Variants in PCYT1B observed in about 807,000 individuals in gnomAD.
PCYT1B encodes the protein choline-phosphate cytidylyltransferase B.
In PCYT1B, 10 loss-of-function variants were observed where a neutral mutation model predicts 26.4. The observed-to-expected ratio is 0.38, with a 90% CI of 0.23 to 0.64. The LOEUF (loss-of-function observed/expected upper bound fraction) is 0.64. Among genes scored for constraint, PCYT1B ranks in the 30% least tolerant of loss-of-function variants. PCYT1B has a pLI of 0.56. For synonymous variants in PCYT1B, 131 were observed against 108.4 expected (o/e 1.21, Z -1.29); for missense variants, 161 against 292.7 (o/e 0.55, Z 3.28).
intron 2 of PCYT1B, among the ~76,000 whole-genome samples, chrX:24,616,907 G>T (rs1301497059): frequency 6.2e-5 from 7 of 112,123 alleles, no homozygotes; most frequent in Admixed American, 9.5e-5. Context: ...ACAGTGTCAT[G>T]GTTGAGAGGT....
chrX:24,645,103 T>C (rs1926582673), intron 1 of PCYT1B, among the ~76,000 whole-genome samples: 1 of 110,496 alleles, frequency 9.1e-6, no homozygotes, highest in Non-Finnish European at 1.9e-5. Context: ...TTCTTTCCCT[T>C]AATTTTCTCT....
intron 7 of PCYT1B, among the ~76,000 whole-genome samples, chrX:24,564,355 T>C (rs1226897810): frequency 4.9e-5 from 4 of 82,290 alleles, no homozygotes; most frequent in Non-Finnish European, 9.9e-5. Flanking sequence ...TTTTGTTTTG[T>C]TTTTTTGTTT....
In PCYT1B at chrX:24,643,899, A is replaced by C. The variant is rs765088072; in HGVS notation, c.117+3090T>G. On this transcript the variant is annotated intron_variant, in intron 1 of 7. Transcript: ENST00000379144. ...CCTGCAAATATTTCATACACTTTCC[A>C]TAGTTAGTTAAGCAACTCAGTAGCC... Among the ~76,000 whole-genome samples, 4 of 111,956 alleles carry C rather than the reference A, an allele frequency of 3.6e-5. No homozygotes were observed. In the East Asian group the frequency reaches 8.4e-4, roughly 23 times the overall value.
chrX:24,608,567 G>A (rs1925210715), intron 2 of PCYT1B, among the ~76,000 whole-genome samples: 1 of 111,535 alleles, frequency 9.0e-6, no homozygotes, highest in Non-Finnish European at 1.9e-5. Context: ...TGGTGCTCAG[G>A]GCTGAAGATG....
rs1035186052 is a variant in PCYT1B, at chrX:24,559,640, C to G, written c.*2653G>C. The G allele has an allele frequency of 1.8e-5, 2 of 111,494 alleles. No homozygotes were observed. The highest frequency in any genetic ancestry group is 3.8e-5 in the Non-Finnish European group (2 of 53,107). The allele number at this position is 111,494 out of a possible 1,213,427, so 9.2% of individuals were successfully genotyped here. On this transcript the variant is annotated 3_prime_UTR_variant, in exon 8 of 8. Coordinates refer to ENST00000379144, the MANE Select transcript of PCYT1B (RefSeq NM_004845.5). ...CTTTCCTCACTAGGGCAAAAAGAAT[C>G]TCTTTCCTTGCTTTGTGTTATTCCT...
At chrX:24,648,693 C>T (rs1355739980), upstream of PCYT1B, among the ~76,000 whole-genome samples, 2 of 109,402 alleles carry the variant, frequency 1.8e-5, no homozygotes, top group Non-Finnish European at 3.8e-5. Flanking sequence ...GAATTATTGG[C>T]CCCCTGCCAG....
At chrX:24,630,390 A>AGCCTCCCGG (rs1569252441) in intron 1 of PCYT1B, among the ~76,000 whole-genome samples, 4 of 110,378 alleles carry the variant, frequency 3.6e-5, no homozygotes, top group Non-Finnish European at 7.6e-5. Context: ...CCACCCCCTG[A>AGCCTCCCGG]GTTCACGCCA....
chrX:24,608,756 C>G lies in PCYT1B; in HGVS notation c.218-895G>C, dbSNP rs144776350. Among the ~76,000 whole-genome samples the G allele has an allele frequency of 3.0e-3, 335 of 111,642 alleles. 1 individual carries two copies. The highest frequency in any genetic ancestry group is 0.01 in the African/African-American group (309 of 30,762). On this transcript the variant is annotated intron_variant, in intron 2 of 7. Transcript: ENST00000379144. ...ACTATTGCTCAGCCAGGCCAAAGACCCATCCCCTTCAAGTCAGAGAGAGAA... is the reference window on the plus strand; with the variant it reads ...ACTATTGCTCAGCCAGGCCAAAGACGCATCCCCTTCAAGTCAGAGAGAGAA...
chrX:24,655,637 G>T (rs1926887544), intron 1 of PCYT1B, among the ~76,000 whole-genome samples: 1 of 111,052 alleles, frequency 9.0e-6, no homozygotes, highest in Non-Finnish European at 1.9e-5. Flanking sequence ...ACAAAAATTA[G>T]CCAGGCGTGG....
chrX:24,667,914 A>G (rs917448114), intron 1 of PCYT1B, among the ~76,000 whole-genome samples: 1 of 111,681 alleles, frequency 9.0e-6, no homozygotes, highest in Non-Finnish European at 1.9e-5. Flanking sequence ...TTTTCCTTAA[A>G]GAAGACAAGG....
intron 3 of PCYT1B, among the ~76,000 whole-genome samples, chrX:24,594,081 G>A (rs12833849): frequency 0.017 from 1,924 of 111,428 alleles, 24 homozygotes; most frequent in Admixed American, 0.064. Flanking sequence ...TTGATTCAGT[G>A]AGTCTGTAGT....
chrX:24,621,925 A>G, intron 1 of PCYT1B: 1 of 398,029 alleles, frequency 2.5e-6, no homozygotes, highest in Non-Finnish European at 3.2e-6. Flanking sequence ...TAAAGCAACA[A>G]TAGTTACTCA....
chrX:24,658,258 T>C (rs1291911560), intron 1 of PCYT1B: 1 of 112,386 alleles, frequency 8.9e-6, no homozygotes, highest in Non-Finnish European at 1.9e-5. Context: ...TTCTTTGTCT[T>C]GCAAAATCTG....
chrX:24,646,879 C>T lies in PCYT1B; in HGVS notation c.117+110G>A, dbSNP rs934044144. On this transcript the variant is annotated intron_variant, in intron 1 of 7. Transcript: ENST00000379144. ...AAGGATTAGGCGGTAGCGCTCTTCT[C>T]ATTTACATGAAAATCCTCTAAGCAT... 5.0e-6 allele frequency: 3 copies of T among 596,719 alleles called. No homozygotes were observed. The African/African-American group carries it at 6.7e-5, about 13-fold the overall frequency. 49.2% of individuals were successfully genotyped at this position (596,719 alleles called of 1,213,427 possible).
chrX:24,580,699 C>T (rs61761928), intron 5 of PCYT1B, among the ~76,000 whole-genome samples: 18 of 112,198 alleles, frequency 1.6e-4, no homozygotes, highest in African/African-American at 5.8e-4. Context: ...TTTATGCTTA[C>T]ACTTCTGTTG....
intron 7 of PCYT1B, among the ~76,000 whole-genome samples, chrX:24,572,173 T>C (rs1293477344): frequency 4.5e-5 from 5 of 110,795 alleles, no homozygotes. Flanking sequence ...CAAGTTGTAA[T>C]AAAGTCCTGT....
At chrX:24,613,950 C>CAAAAAAAAAAAAAAAA (rs200062439) in intron 2 of PCYT1B, among the ~76,000 whole-genome samples, 6 of 77,211 alleles carry the variant, frequency 7.8e-5, no homozygotes, top group Non-Finnish European at 1.3e-4. Flanking sequence ...AACAACCTGT[C>CAAAAAAAAAAAAAAAA]AAAAAAAAAA....
At chrX:24,573,901 C>A (rs1239366560) in intron 7 of PCYT1B, among the ~76,000 whole-genome samples, 1 of 111,137 alleles carries the variant, frequency 9.0e-6, no homozygotes, top group Non-Finnish European at 1.9e-5. Context: ...GTAAACCTTT[C>A]ACCCCTCTCA....
At position 24,637,509 on chromosome X, in the gene PCYT1B, T is replaced by TATATATAA. The variant is rs779316769; in HGVS notation, c.117+9479_117+9480insTTATATAT. ...AAAAAAAAATATATATATATATATATATAAATTAGCTGAGCGTGGTGGCGT... is the reference window on the plus strand; with the variant it reads ...AAAAAAAAATATATATATATATATATATATATAAATAAATTAGCTGAGCGTGGTGGCGT... On this transcript the variant is annotated intron_variant, in intron 1 of 7. Transcript: ENST00000379144. 1.3e-3 allele frequency among the ~76,000 whole-genome samples: 84 copies of TATATATAA among 64,062 alleles called. 15 individuals carry two copies. The highest frequency in any genetic ancestry group is 6.0e-3 in the East Asian group (6 of 1,008). The allele number at this position is 64,062 out of a possible 115,157, so 55.6% of individuals were successfully genotyped here.
Sources: gnomAD v4.1 joint callset for allele counts (sites outside exome capture counted in the v4.1 genomes callset) on GRCh38, gnomAD v4.1.1 for gene constraint, MANE v1.5 for transcripts, NCBI Gene and HGNC (gene_info 2026-07-23, HGNC 2026-07-21) for gene names.